Variants in GON4L observed in about 807,000 individuals in gnomAD.
The protein encoded by GON4L is GON-4-like protein.
A neutral mutation model predicts 211.8 loss-of-function variants in GON4L; 87 were observed. The observed-to-expected ratio is 0.41, with a 90% CI of 0.35 to 0.49. The LOEUF is 0.49. Among genes scored for constraint, GON4L ranks in the 20% least tolerant of loss-of-function variants. The pLI is 0.15. For synonymous variants in GON4L, 875 were observed against 962.6 expected, an observed-to-expected ratio of 0.91 and a Z score of 1.68; for missense variants, 2,155 against 2,659.5, an observed-to-expected ratio of 0.81 and a Z score of 4.17.
intron 2 of GON4L, among the ~76,000 whole-genome samples, chr1:155,852,699 C>T (rs533911833): frequency 1.5e-4 from 23 of 152,230 alleles, no homozygotes; most frequent in South Asian, 1.2e-3. Flanking sequence ...GCCGAGACCA[C>T]GCCACTGCAC....
intron 10 of GON4L, 97 bp from the exon 11 acceptor site, chr1:155,805,238 T>C: frequency 2.5e-6 from 2 of 807,522 alleles, no homozygotes; most frequent in Admixed American, 3.7e-5. Context: ...AACAGGATCC[T>C]TCCTCTAAAC....
chr1:155,762,055 C>T (rs765244410), intron 23 of GON4L, 135 bp downstream of exon 23: 2 of 655,578 alleles, frequency 3.1e-6, no homozygotes, highest in Non-Finnish European at 5.3e-6. Flanking sequence ...GATCTTTTGC[C>T]AGAAAAGCCA....
At chr1:155,759,400 C>G (rs1018219156) in intron 24 of GON4L, among the ~76,000 whole-genome samples, 6 of 152,034 alleles carry the variant, frequency 3.9e-5, no homozygotes, top group African/African-American at 1.4e-4. Flanking sequence ...GGAGAAACCC[C>G]GTCTTTACTA....
intron 14 of GON4L, among the ~76,000 whole-genome samples, chr1:155,781,145 CTAT>C (rs1012930844): frequency 5.5e-4 from 83 of 151,212 alleles, no homozygotes; most frequent in African/African-American, 1.9e-3. Context: ...ATTATTATTA[CTAT>C]TATTTTTTTT....
rs1241376669 is a variant in GON4L at position 155,820,586 on chromosome 1, C to T, written c.1014+20G>A. 2.5e-6 allele frequency: 4 copies of T among 1,581,968 alleles called. No individual in the cohort carries two copies. The highest frequency in any genetic ancestry group is 2.7e-5 in the African/African-American group (2 of 74,154). ...CACCAAGCTAAAAAAAAACCAACAA[C>T]AAAAAAACAGAATACTTACCACTCC... On this transcript the variant is annotated intron_variant, in intron 6 of 31. Coordinates refer to ENST00000368331, the MANE Select transcript of GON4L (RefSeq NM_001282860.2).
At chr1:155,748,736 T>G, downstream of GON4L, 9 of 1,614,148 alleles carry the variant, frequency 5.6e-6, no homozygotes, top group Non-Finnish European at 5.9e-6. Context: ...CTGGAACACG[T>G]TGCTTTGCCC....
intron 2 of GON4L, among the ~76,000 whole-genome samples, chr1:155,847,514 C>A (rs541551184): frequency 2.0e-5 from 3 of 152,040 alleles, no homozygotes; most frequent in Non-Finnish European, 4.4e-5. Context: ...CCAGCCTGAC[C>A]AACATGGTGA....
At chr1:155,773,678 T>C (rs1289846731) in intron 17 of GON4L, among the ~76,000 whole-genome samples, 2 of 152,182 alleles carry the variant, frequency 1.3e-5, no homozygotes, top group African/African-American at 4.8e-5. Context: ...TTCTCCCAGA[T>C]TCCTCCTGAG....
chr1:155,745,509 AGGC>A (rs1660224811), downstream of GON4L, among the ~76,000 whole-genome samples: 1 of 152,228 alleles, frequency 6.6e-6, no homozygotes, highest in Admixed American at 6.5e-5. Context: ...GGGAAGTACG[AGGC>A]AGAGCCTTCC....
At chr1:155,844,394 A>G (rs1441701880) in intron 2 of GON4L, among the ~76,000 whole-genome samples, 1 of 152,204 alleles carries the variant, frequency 6.6e-6, no homozygotes, top group African/African-American at 2.4e-5. Context: ...AAAAGTTCTA[A>G]GAGCAAGCCA....
intron 6 of GON4L, among the ~76,000 whole-genome samples, chr1:155,816,959 A>C (rs887303277): frequency 3.9e-5 from 6 of 151,972 alleles, no homozygotes; most frequent in African/African-American, 9.7e-5. Context: ...AATGTTTGAA[A>C]ATTTTTATAA....
intron 11 of GON4L, 26 bp downstream of exon 11, chr1:155,804,923 A>AC: frequency 6.4e-7 from 1 of 1,563,848 alleles, no homozygotes; most frequent in Non-Finnish European, 8.8e-7. Flanking sequence ...GACAGTATAC[A>AC]TAATAAATCA....
intron 2 of GON4L, among the ~76,000 whole-genome samples, chr1:155,838,107 A>AC (rs1289005153): frequency 6.6e-6 from 1 of 151,274 alleles, no homozygotes; most frequent in Non-Finnish European, 1.5e-5. Flanking sequence ...ACAAAACAAA[A>AC]AAAATTAGCC....
At chr1:155,783,217 A>G (rs1051575577) in intron 14 of GON4L, among the ~76,000 whole-genome samples, 5 of 152,214 alleles carry the variant, frequency 3.3e-5, no homozygotes, top group Non-Finnish European at 7.3e-5. Context: ...TGGTTGGCAT[A>G]TCTTATCTTT....
chr1:155,788,886 C>T (rs1172487439), intron 12 of GON4L, among the ~76,000 whole-genome samples: 3 of 152,156 alleles, frequency 2.0e-5, no homozygotes, highest in Admixed American at 6.6e-5. Context: ...GTCAGGAGAT[C>T]GAGATCGCCC....
intron 2 of GON4L, among the ~76,000 whole-genome samples, chr1:155,851,136 C>T (rs1284795874): frequency 6.0e-5 from 9 of 150,192 alleles, no homozygotes; most frequent in African/African-American, 2.0e-4. Flanking sequence ...AGGTGGATCA[C>T]GAGGTCATGA....
chr1:155,830,997 T>G (rs1393404831), intron 2 of GON4L, among the ~76,000 whole-genome samples: 1 of 152,134 alleles, frequency 6.6e-6, no homozygotes, highest in Non-Finnish European at 1.5e-5. Context: ...CTGGTATGCT[T>G]GTTTAAAAAG....
Position 155,765,104 on chromosome 1 carries a change from G to A in GON4L, c.4369C>T (p.Pro1457Ser). Residue 1457 changes from proline (P) to serine (S), a missense_variant, in exon 21 of 32, where the codon CCA becomes TCA. This residue lies in a region of GON4L where 615 missense variants were observed against 625.7 expected (regional missense o/e 0.98). Transcript: ENST00000368331. Reference protein sequence around the residue: ...GPETGGEKNGPEEEEEEDFDD... With the variant: ...GPETGGEKNGSEEEEEEDFDD... ...AAGTCCTCTTCTTCCTCTTCTTCTGGCCCATTCTTCTCTCCTCCAGTTTCT... is the reference window on the plus strand; with the variant it reads ...AAGTCCTCTTCTTCCTCTTCTTCTGACCCATTCTTCTCTCCTCCAGTTTCT... 4 of 1,614,008 alleles carry A rather than the reference G, an allele frequency of 2.5e-6. No individual in the cohort carries two copies. Among genetic ancestry groups the A allele is most frequent in the Non-Finnish European group, 3.4e-6 (4 of 1,179,996 alleles).
At chr1:155,822,214 T>G in intron 4 of GON4L, 72 bp downstream of exon 4, 1 of 1,260,848 alleles carries the variant, frequency 7.9e-7, no homozygotes, top group Non-Finnish European at 1.2e-6. Context: ...GTCAAGAATT[T>G]GCTGAACATT....
Sources: gnomAD v4.1 joint callset for allele counts (sites outside exome capture counted in the v4.1 genomes callset) on GRCh38, gnomAD v4.1.1 for gene constraint, gnomAD v4.1.1 regional missense constraint, MANE v1.5 for transcripts, NCBI Gene and HGNC (gene_info 2026-07-23, HGNC 2026-07-21) for gene names.